ARFIP1: variants seen among roughly 807,000 people sequenced by gnomAD.
The protein encoded by ARFIP1 is arfaptin-1.
In ARFIP1, 24 loss-of-function variants were observed where a neutral mutation model predicts 42.5. The observed-to-expected ratio is 0.57, with a 90% CI of 0.41 to 0.80. ARFIP1 has a LOEUF of 0.80. Among genes scored for constraint, ARFIP1 ranks in the 30% least tolerant of loss-of-function variants. The probability of loss-of-function intolerance (pLI) is 0.00; values close to 1 mark genes in which losing one functional copy is unlikely to be tolerated. For synonymous variants in ARFIP1, 141 were observed against 153.7 expected (o/e 0.92, Z 0.61); for missense variants, 354 against 434.0 (o/e 0.82, Z 1.64).
chr4:152,848,860 A>T (rs78850587), intron 2 of ARFIP1, among the ~76,000 whole-genome samples: 2,162 of 152,292 alleles, frequency 0.014, 51 homozygotes, highest in African/African-American at 0.049. Flanking sequence ...GTTTGTCTCC[A>T]TTCTATATAG....
intron 8 of ARFIP1, among the ~76,000 whole-genome samples, chr4:152,889,498 C>CATATAT (rs71595203): frequency 0.059 from 2,480 of 42,298 alleles, 129 homozygotes; most frequent in South Asian, 0.099. Context: ...TCATTTTAGT[C>CATATAT]ATATATATAT....
intron 1 of ARFIP1, among the ~76,000 whole-genome samples, chr4:152,794,782 T>C (rs1282723395): frequency 6.6e-6 from 1 of 152,200 alleles, no homozygotes; most frequent in Admixed American, 6.5e-5. Context: ...CATTTACTTA[T>C]CAGATTGTTT....
chr4:152,836,456 C>G (rs1328043620), intron 2 of ARFIP1, among the ~76,000 whole-genome samples: 1 of 152,176 alleles, frequency 6.6e-6, no homozygotes, highest in Non-Finnish European at 1.5e-5. Flanking sequence ...AAAAGACTAT[C>G]CTTCCTCCAC....
At chr4:152,796,174 A>G in intron 1 of ARFIP1, 1 of 757,492 alleles carries the variant, frequency 1.3e-6, no homozygotes, top group South Asian at 1.4e-5. Flanking sequence ...CACTTCACTC[A>G]CATTTACCTC....
chr4:152,797,853 A>G (rs1470262740), intron 1 of ARFIP1, among the ~76,000 whole-genome samples: 1 of 152,172 alleles, frequency 6.6e-6, no homozygotes, highest in African/African-American at 2.4e-5. Flanking sequence ...TTAGGCTACC[A>G]TTATATCATC....
At chr4:152,793,055 A>G (rs1731226660) in intron 1 of ARFIP1, among the ~76,000 whole-genome samples, 2 of 152,044 alleles carry the variant, frequency 1.3e-5, no homozygotes, top group Non-Finnish European at 2.9e-5. Context: ...TGTAATAGTA[A>G]TTTATCACTC....
chr4:152,830,233 G>A (rs968780855), intron 2 of ARFIP1, among the ~76,000 whole-genome samples: 3 of 152,234 alleles, frequency 2.0e-5, no homozygotes, highest in African/African-American at 7.2e-5. Flanking sequence ...AACACCATGG[G>A]TTTGAAGATA....
At chr4:152,894,153 A>G (rs530340738) in intron 8 of ARFIP1, among the ~76,000 whole-genome samples, 2 of 151,182 alleles carry the variant, frequency 1.3e-5, no homozygotes, top group African/African-American at 4.9e-5. Context: ...GGTTGCAGTG[A>G]GCCGAGATCG....
In ARFIP1 at chr4:152,816,108, C is replaced by G. The variant is rs56123973; in HGVS notation, c.-9-13517C>G. Among the ~76,000 whole-genome samples the G allele has an allele frequency of 4.2e-3, 636 of 152,310 alleles. 4 individuals are homozygous for G. The highest frequency in any genetic ancestry group is 0.014 in the African/African-American group (593 of 41,564). ...ACTCCAAGCTACTATCATCTCTTGC[C>G]TAGACTATTCCAGTAGGCTCCTAAT... On this transcript the variant is annotated intron_variant, in intron 1 of 8. Coordinates refer to ENST00000353617, the MANE Select transcript of ARFIP1 (RefSeq NM_001025595.3).
chr4:152,847,124 C>CTGTTTTTTTTTTTTTTT (rs1732600963), intron 2 of ARFIP1, among the ~76,000 whole-genome samples: 1 of 40,584 alleles, frequency 2.5e-5, no homozygotes, highest in Non-Finnish European at 4.5e-5. Flanking sequence ...TAGGTTTGTT[C>CTGTTTTTTTTTTTTTTT]TTTTTTTTTT....
intron 1 of ARFIP1, among the ~76,000 whole-genome samples, chr4:152,800,651 T>C (rs2149822752): frequency 6.6e-6 from 1 of 152,282 alleles, no homozygotes; most frequent in Admixed American, 6.5e-5. Context: ...TGTCCTTCAA[T>C]ATAGTAACAC....
chr4:152,820,879 C>T (rs990932465), intron 1 of ARFIP1, among the ~76,000 whole-genome samples: 3 of 152,212 alleles, frequency 2.0e-5, no homozygotes, highest in Non-Finnish European at 2.9e-5. Context: ...GGAACTCATA[C>T]AGAGTCTTCA....
chr4:152,829,834 C>T, intron 2 of ARFIP1, 108 bp downstream of exon 2: 1 of 860,998 alleles, frequency 1.2e-6, no homozygotes, highest in Middle Eastern at 2.8e-4. Context: ...CTTAGATTGG[C>T]TTCAGTCAGG....
At chr4:152,891,101 T>C (rs1290300548) in intron 8 of ARFIP1, among the ~76,000 whole-genome samples, 1 of 152,170 alleles carries the variant, frequency 6.6e-6, no homozygotes, top group South Asian at 2.1e-4. Flanking sequence ...CTCCCATTCC[T>C]TTATCATGAG....
chr4:152,804,213 T>A (rs7663130), intron 1 of ARFIP1, among the ~76,000 whole-genome samples: 389 of 36,610 alleles, frequency 0.011, 1 homozygote, highest in South Asian at 0.043. Flanking sequence ...TATTATATAT[T>A]ATATATAATA....
chr4:152,860,494 A>G (rs968647333), intron 2 of ARFIP1, among the ~76,000 whole-genome samples: 6 of 152,234 alleles, frequency 3.9e-5, no homozygotes, highest in Admixed American at 1.3e-4. Context: ...CTCTCAGTCC[A>G]AAAAGCATAC....
intron 2 of ARFIP1, among the ~76,000 whole-genome samples, chr4:152,852,355 G>A (rs1733057777): frequency 6.6e-6 from 1 of 152,190 alleles, no homozygotes; most frequent in South Asian, 2.1e-4. Flanking sequence ...GGTTGGCCAG[G>A]CGCGGTGGCT....
At chr4:152,794,958 C>T (rs1280810789) in intron 1 of ARFIP1, among the ~76,000 whole-genome samples, 2 of 152,050 alleles carry the variant, frequency 1.3e-5, no homozygotes, top group African/African-American at 4.8e-5. Context: ...TCTTTATTTT[C>T]TGACACCATG....
Position 152,894,762 on chromosome 4 carries a change from T to C in ARFIP1, c.966+6455T>C, listed in dbSNP as rs56751766. Among the ~76,000 whole-genome samples the C allele has an allele frequency of 2.0e-3, 312 of 152,358 alleles. 1 individual carries two copies. In the East Asian group the frequency reaches 0.029, roughly 14 times the overall value. ...ATTTGGATTCTGTGAGTCATTCTCTTATTCATGCAACTTTAATTCCAGACT... is the reference window on the plus strand; with the variant it reads ...ATTTGGATTCTGTGAGTCATTCTCTCATTCATGCAACTTTAATTCCAGACT... On this transcript the variant is annotated intron_variant, in intron 8 of 8. Coordinates refer to ENST00000353617, the MANE Select transcript of ARFIP1 (RefSeq NM_001025595.3).
Sources: allele counts gnomAD v4.1 joint callset (sites outside exome capture counted in the v4.1 genomes callset), GRCh38; gene constraint gnomAD v4.1.1; transcripts MANE v1.5; gene names NCBI Gene and HGNC (gene_info 2026-07-23, HGNC 2026-07-21).